Variants in MSH3 observed in about 807,000 individuals in gnomAD.
MSH3 encodes the protein mutS homolog 3.
MSH3 carries 106 observed loss-of-function variants against 123.3 expected under a neutral mutation model. That is an observed-to-expected ratio of 0.86 (90% CI 0.73 to 1.01). MSH3 has a LOEUF of 1.01. Ranked by LOEUF, MSH3 falls within the 50% of genes least tolerant of loss-of-function variation. The pLI, the probability that MSH3 is intolerant of heterozygous loss-of-function variation, is 0.00. For missense variants in MSH3, 1,459 were observed against 1,347.6 expected (o/e 1.08, Z -1.29); for synonymous variants, 515 against 481.4 (o/e 1.07, Z -0.91).
intron 19 of MSH3, among the ~76,000 whole-genome samples, chr5:80,813,326 A>G (rs1745041740): frequency 6.6e-6 from 1 of 152,246 alleles, no homozygotes; most frequent in South Asian, 2.1e-4. Flanking sequence ...AAAAATGCTT[A>G]ATGAGAAAGC....
At chr5:80,786,840 T>C (rs550158088) in intron 17 of MSH3, among the ~76,000 whole-genome samples, 1 of 152,298 alleles carries the variant, frequency 6.6e-6, no homozygotes, top group Admixed American at 6.5e-5. Context: ...TCTGAATAAG[T>C]TTTTCATTAA....
rs185553954 is a variant in MSH3 at position 80,655,029 on chromosome 5, G to A, written c.237+65G>A. ...GGGGGGCGGGGCTTGTGGGTAAGGC[G>A]GGCGGAGGCGGGGACCCTCCGCCCG... On this transcript the variant is annotated intron_variant, in intron 1 of 23. Transcript: ENST00000265081. 1.3e-4 allele frequency: 126 copies of A among 979,906 alleles called. 4 individuals are homozygous for A. The African/African-American group carries it at 1.9e-3, about 14-fold the overall frequency. 60.7% of individuals were successfully genotyped at this position (979,906 alleles called of 1,614,324 possible). A position where few individuals can be genotyped will look rare whatever the true frequency, so the allele number is the denominator to read the frequency against.
intron 20 of MSH3, among the ~76,000 whole-genome samples, chr5:80,827,848 G>A (rs569837777): frequency 6.6e-6 from 1 of 152,266 alleles, no homozygotes; most frequent in South Asian, 2.1e-4. Context: ...GATAGATACT[G>A]TTGTAGTAGG....
chr5:80,672,617 T>C (rs538236815), intron 5 of MSH3, 124 bp from the exon 6 acceptor site: 5 of 856,536 alleles, frequency 5.8e-6, no homozygotes, highest in African/African-American at 5.0e-5. Flanking sequence ...CTTTAAACCC[T>C]ACATCTGAAC....
intron 12 of MSH3, chr5:80,746,569 G>A (rs527598768): frequency 2.4e-6 from 1 of 416,328 alleles, no homozygotes; most frequent in East Asian, 7.1e-5. Flanking sequence ...TTGGTCCTAA[G>A]GAGGGATCTC....
chr5:80,868,015 A>T (rs1211162400), intron 22 of MSH3, among the ~76,000 whole-genome samples: 2 of 152,186 alleles, frequency 1.3e-5, no homozygotes, highest in African/African-American at 4.8e-5. Context: ...GTACAGAATG[A>T]TAAAAGCAAA....
intron 8 of MSH3, among the ~76,000 whole-genome samples, chr5:80,713,996 T>C (rs1275695202): frequency 6.6e-6 from 1 of 152,024 alleles, no homozygotes; most frequent in Non-Finnish European, 1.5e-5. Flanking sequence ...TTATTACCCT[T>C]TAATTTTTCA....
chr5:80,813,008 A>G (rs1456546868), intron 19 of MSH3, among the ~76,000 whole-genome samples: 1 of 152,192 alleles, frequency 6.6e-6, no homozygotes, highest in Non-Finnish European at 1.5e-5. Context: ...ACTATAATTG[A>G]TCAGTACAGA....
chr5:80,820,670 G>A (rs193259124), intron 20 of MSH3, among the ~76,000 whole-genome samples: 3 of 152,302 alleles, frequency 2.0e-5, no homozygotes, highest in Admixed American at 1.3e-4. Context: ...ATCTAAAATA[G>A]TATATTGGAG....
rs201676445 is a variant in MSH3 at position 80,792,792 on chromosome 5, A to T, written c.2603A>T (p.Asp868Val). ...AAAAATGGAAGGCACCCTGTGATTG[A>T]TGTGTTGCTGGGAGAACAGGATCAA... ...VIKNGRHPVI[D>V]VLLGEQDQYV... Residue 868 changes from aspartate to valine, a missense_variant, in exon 19 of 24, where the codon GAT becomes GTT. By Grantham distance (152) the Asp-to-Val change is radical. Coordinates refer to ENST00000265081, the MANE Select transcript of MSH3 (RefSeq NM_002439.5). 2.1e-5 allele frequency: 34 copies of T among 1,613,464 alleles called. No individual in the cohort carries two copies. Among genetic ancestry groups the T allele is most frequent in the Non-Finnish European group, 2.7e-5 (32 of 1,179,666 alleles).
intron 20 of MSH3, among the ~76,000 whole-genome samples, chr5:80,818,947 A>T (rs1346300325): frequency 6.6e-6 from 1 of 152,184 alleles, no homozygotes; most frequent in Non-Finnish European, 1.5e-5. Context: ...CTCGTGTAGG[A>T]TAGGCATTGT....
At chr5:80,693,543 A>ATGTTTATATAAATATATG (rs1750388533) in intron 8 of MSH3, among the ~76,000 whole-genome samples, 3 of 147,380 alleles carry the variant, frequency 2.0e-5, no homozygotes, top group Non-Finnish European at 1.5e-5. Flanking sequence ...ATAAATATAT[A>ATGTTTATATAAATATATG]TGCACATGTA....
At chr5:80,846,990 T>G (rs1745734466) in intron 20 of MSH3, among the ~76,000 whole-genome samples, 1 of 152,004 alleles carries the variant, frequency 6.6e-6, no homozygotes, top group Non-Finnish European at 1.5e-5. Context: ...TCACATATCT[T>G]CTGCATCCAT....
rs1580546683 is a variant in MSH3 at position 80,665,256 on chromosome 5, G to A, written c.472G>A (p.Glu158Lys). ...TAGAGTCCAGACAGAATCTCTGCAGGAGAGATTTGCAGTTCTGCCAAAATG... is the reference window on the plus strand; with the variant it reads ...TAGAGTCCAGACAGAATCTCTGCAGAAGAGATTTGCAGTTCTGCCAAAATG... ...QSRVQTESLQ[E>K]RFAVLPKCTD... is the part of the protein sequence containing the mutation. The change falls in exon 3 of 24, where the codon GAG becomes AAG. Residue 158 changes from glutamate to lysine, a missense_variant. Physicochemically the swap from Glu to Lys is moderately conservative, Grantham distance 56. Transcript: ENST00000265081. The A allele has an allele frequency of 6.2e-7, 1 of 1,613,386 alleles. No homozygotes were observed. The highest frequency in any genetic ancestry group is 1.1e-5 in the South Asian group (1 of 91,064).
At chr5:80,729,592 T>C (rs1349676928) in intron 10 of MSH3, among the ~76,000 whole-genome samples, 2 of 152,018 alleles carry the variant, frequency 1.3e-5, no homozygotes, top group Non-Finnish European at 2.9e-5. Flanking sequence ...TAAAAAGCAT[T>C]CATAAAAATT....
Position 80,754,432 on chromosome 5 carries a change from G to A in MSH3, c.1764-7114G>A, listed in dbSNP as rs539361843. On this transcript the variant is annotated intron_variant, in intron 12 of 23. Coordinates refer to ENST00000265081, the MANE Select transcript of MSH3 (RefSeq NM_002439.5). ...TATTCAGTCTCAGTGACAAGGTGGCGTTCCCAGCGTCAGGGAATTTCTAAT... is the reference window on the plus strand; with the variant it reads ...TATTCAGTCTCAGTGACAAGGTGGCATTCCCAGCGTCAGGGAATTTCTAAT... 7.9e-5 allele frequency among the ~76,000 whole-genome samples: 12 copies of A among 152,204 alleles called. No homozygotes were observed. The South Asian group carries it at 2.3e-3, about 29-fold the overall frequency.
At chr5:80,660,710 A>G (rs1749414979) in intron 2 of MSH3, among the ~76,000 whole-genome samples, 1 of 151,448 alleles carries the variant, frequency 6.6e-6, no homozygotes, top group African/African-American at 2.4e-5. Flanking sequence ...TGCTTTTAAG[A>G]TTTTCTCTTA....
At chr5:80,874,621 A>G (rs1227610367) in intron 23 of MSH3, among the ~76,000 whole-genome samples, 2 of 152,238 alleles carry the variant, frequency 1.3e-5, no homozygotes, top group Non-Finnish European at 2.9e-5. Flanking sequence ...AAAACCTAGA[A>G]TAAAACTTTA....
chr5:80,855,252 C>T lies in MSH3; in HGVS notation c.3000+936C>T, dbSNP rs191051081. Among the ~76,000 whole-genome samples, 8 of 151,994 alleles carry T rather than the reference C, an allele frequency of 5.3e-5. 1 individual carries two copies. The highest frequency in any genetic ancestry group is 1.9e-4 in the African/African-American group (8 of 41,492). ...TTCTCTGGTCTTTCTTTCTGTTTTCCCCCCCATTTTCTTGCTCCTTTGTCA... is the reference window on the plus strand; with the variant it reads ...TTCTCTGGTCTTTCTTTCTGTTTTCTCCCCCATTTTCTTGCTCCTTTGTCA... On this transcript the variant is annotated intron_variant, in intron 21 of 23. Coordinates refer to ENST00000265081, the MANE Select transcript of MSH3 (RefSeq NM_002439.5).
Sources: allele counts gnomAD v4.1 joint callset (sites outside exome capture counted in the v4.1 genomes callset), GRCh38; gene constraint gnomAD v4.1.1; transcripts MANE v1.5; gene names NCBI Gene and HGNC (gene_info 2026-07-23, HGNC 2026-07-21).